Variants in ADAMTS19 observed in about 807,000 individuals in gnomAD.
The protein encoded by ADAMTS19 is ADAM metallopeptidase with thrombospondin type 1 motif 19, also known as A disintegrin and metalloproteinase with thrombospondin motifs 19.
ADAMTS19 carries 93 observed loss-of-function variants against 153.3 expected under a neutral mutation model. That is an observed-to-expected ratio of 0.61 (90% CI 0.51 to 0.72). ADAMTS19 has a LOEUF of 0.72. Among genes scored for constraint, ADAMTS19 ranks in the 30% least tolerant of loss-of-function variants. ADAMTS19 has a pLI of 0.00. For synonymous variants in ADAMTS19, 600 were observed against 556.6 expected, an observed-to-expected ratio of 1.08 and a Z score of -1.10; for missense variants, 1,482 against 1,552.1, an observed-to-expected ratio of 0.95 and a Z score of 0.76.
intron 6 of ADAMTS19, among the ~76,000 whole-genome samples, chr5:129,533,974 T>C (rs1752311842): frequency 6.6e-6 from 1 of 152,210 alleles, no homozygotes; most frequent in Admixed American, 6.5e-5. Flanking sequence ...TTTGTTATAA[T>C]TTCTGTTCTT....
intron 2 of ADAMTS19, among the ~76,000 whole-genome samples, chr5:129,465,537 G>A (rs1580975200): frequency 1.3e-5 from 2 of 151,962 alleles, no homozygotes; most frequent in East Asian, 3.8e-4. Context: ...ACAGAATCTG[G>A]AGCCTTTTGT....
intron 17 of ADAMTS19, among the ~76,000 whole-genome samples, chr5:129,680,484 C>A (rs917024381): frequency 6.6e-6 from 1 of 152,030 alleles, no homozygotes; most frequent in African/African-American, 2.4e-5. Context: ...ATAGGCCAGA[C>A]GTGGTGGCTC....
intron 16 of ADAMTS19, among the ~76,000 whole-genome samples, chr5:129,674,937 T>A (rs1418266106): frequency 6.6e-6 from 1 of 152,164 alleles, no homozygotes; most frequent in East Asian, 1.9e-4. Context: ...ATAGAGTAAG[T>A]CTCCTGACAT....
chr5:129,542,602 G>T (rs1009573740), intron 6 of ADAMTS19, among the ~76,000 whole-genome samples: 1 of 152,092 alleles, frequency 6.6e-6, no homozygotes, highest in Non-Finnish European at 1.5e-5. Flanking sequence ...GTTGCATGCT[G>T]CTTACCATGG....
At chr5:129,595,980 T>G (rs558681697) in intron 7 of ADAMTS19, among the ~76,000 whole-genome samples, 10 of 152,120 alleles carry the variant, frequency 6.6e-5, no homozygotes, top group African/African-American at 2.4e-4. Context: ...TATCATATAC[T>G]ATGCAACACA....
chr5:129,658,942 G>A (rs1425602030), intron 15 of ADAMTS19, among the ~76,000 whole-genome samples: 1 of 152,118 alleles, frequency 6.6e-6, no homozygotes, highest in Non-Finnish European at 1.5e-5. Context: ...CAAATATGAA[G>A]TCATCTGTTG....
At chr5:129,479,996 G>A (rs1156749761) in intron 2 of ADAMTS19, among the ~76,000 whole-genome samples, 1 of 152,082 alleles carries the variant, frequency 6.6e-6, no homozygotes, top group Admixed American at 6.6e-5. Context: ...ACTTAGAAAA[G>A]CCAAAACAAT....
At chr5:129,666,319 A>G (rs1002528043) in intron 16 of ADAMTS19, among the ~76,000 whole-genome samples, 2 of 152,094 alleles carry the variant, frequency 1.3e-5, no homozygotes, top group Non-Finnish European at 2.9e-5. Context: ...AGATAGAGGG[A>G]CCTAATATGA....
chr5:129,643,262 T>A (rs1752887054), intron 11 of ADAMTS19, among the ~76,000 whole-genome samples: 1 of 147,522 alleles, frequency 6.8e-6, no homozygotes, highest in Non-Finnish European at 1.5e-5. Context: ...CCCAGAAGGC[T>A]GAGGTGGAAG....
intron 18 of ADAMTS19, among the ~76,000 whole-genome samples, chr5:129,694,111 C>A (rs1755453884): frequency 6.6e-6 from 1 of 152,114 alleles, no homozygotes; most frequent in South Asian, 2.1e-4. Context: ...GGCCACAATC[C>A]TTTACAATGT....
chr5:129,532,100 A>G (rs60092581), intron 6 of ADAMTS19, among the ~76,000 whole-genome samples: 30,190 of 152,066 alleles, frequency 0.2, 3,757 homozygotes, highest in African/African-American at 0.35. Flanking sequence ...GAGGAGGGCA[A>G]TGATTTCTTA....
At chr5:129,501,906 A>T (rs912787204) in intron 2 of ADAMTS19, among the ~76,000 whole-genome samples, 1 of 152,162 alleles carries the variant, frequency 6.6e-6, no homozygotes, top group African/African-American at 2.4e-5. Context: ...TACAGCCATA[A>T]ACAGATATAC....
intron 3 of ADAMTS19, among the ~76,000 whole-genome samples, chr5:129,522,164 T>A (rs935165974): frequency 6.7e-6 from 1 of 150,348 alleles, no homozygotes. Flanking sequence ...CAATTATATA[T>A]CCATCTAGAA....
At chr5:129,508,026 A>G (rs1041886259) in intron 2 of ADAMTS19, among the ~76,000 whole-genome samples, 2 of 152,118 alleles carry the variant, frequency 1.3e-5, no homozygotes, top group Non-Finnish European at 2.9e-5. Flanking sequence ...TTCCTTCAGG[A>G]TATATGTATT....
chr5:129,648,726 T>C, intron 12 of ADAMTS19, 72 bp from the exon 13 acceptor site: 2 of 1,246,878 alleles, frequency 1.6e-6, no homozygotes, highest in East Asian at 2.5e-5. Context: ...ATTAATATAA[T>C]GGCTTTTAAT....
intron 6 of ADAMTS19, among the ~76,000 whole-genome samples, chr5:129,530,466 G>A (rs956121493): frequency 3.9e-5 from 6 of 152,186 alleles, no homozygotes; most frequent in South Asian, 2.1e-4. Context: ...AGTGGGTTGA[G>A]CGTTGTGGGG....
intron 21 of ADAMTS19, among the ~76,000 whole-genome samples, chr5:129,733,881 T>G (rs968205254): frequency 2.6e-5 from 4 of 151,620 alleles, no homozygotes; most frequent in African/African-American, 9.7e-5. Context: ...CTATTCATAT[T>G]AGCAAAGTTA....
intron 8 of ADAMTS19, among the ~76,000 whole-genome samples, chr5:129,616,221 T>C (rs1334814582): frequency 2.0e-5 from 3 of 152,012 alleles, no homozygotes; most frequent in African/African-American, 7.2e-5. Flanking sequence ...AGTGAAATTA[T>C]ATAGACTTAG....
At chr5:129,598,738 A>G (rs9687987) in intron 8 of ADAMTS19, among the ~76,000 whole-genome samples, 13,535 of 152,148 alleles carry the variant, frequency 0.089, 692 homozygotes, top group African/African-American at 0.11. Flanking sequence ...CAAGTAATTG[A>G]TTTTTGATGT....
Sources: allele counts gnomAD v4.1 joint callset (sites outside exome capture counted in the v4.1 genomes callset), GRCh38; gene constraint gnomAD v4.1.1; transcripts MANE v1.5; gene names NCBI Gene and HGNC (gene_info 2026-07-23, HGNC 2026-07-21).